The following XPR1 variants were observed in gnomAD, a reference collection of about 807,000 sequenced individuals.
XPR1 encodes the protein xenotropic and polytropic retrovirus receptor 1.
In XPR1, 28 loss-of-function variants were observed where a neutral mutation model predicts 87.5. The observed-to-expected ratio is 0.32, with a 90% CI of 0.24 to 0.44. The LOEUF (loss-of-function observed/expected upper bound fraction) is 0.44. Ranked by LOEUF, XPR1 falls within the 20% of genes least tolerant of loss-of-function variation. The probability of loss-of-function intolerance (pLI) is 1.00; values close to 1 mark genes in which losing one functional copy is unlikely to be tolerated. For missense variants in XPR1, 559 were observed against 862.3 expected (o/e 0.65, Z 4.41); for synonymous variants, 300 against 306.1 (o/e 0.98, Z 0.21).
At position 180,804,449 on chromosome 1, in the gene XPR1, T is replaced by A. The variant is rs573932135; in HGVS notation, c.447+838T>A. Among the ~76,000 whole-genome samples the A allele has an allele frequency of 1.6e-4, 24 of 152,132 alleles. No individual in the cohort carries two copies. In the East Asian group the frequency reaches 4.2e-3, roughly 27 times the overall value. ...TGGGCTGCAATAAAATCATATTTTTTAAAAGTTATTGAGAAAAGCATCTAT... is the reference window on the plus strand; with the variant it reads ...TGGGCTGCAATAAAATCATATTTTTAAAAAGTTATTGAGAAAAGCATCTAT... On this transcript the variant is annotated intron_variant, in intron 4 of 14. Coordinates refer to ENST00000367590, the MANE Select transcript of XPR1 (RefSeq NM_004736.4).
chr1:180,770,387 G>A (rs1274269539), intron 2 of XPR1, among the ~76,000 whole-genome samples: 1 of 152,052 alleles, frequency 6.6e-6, no homozygotes, highest in Non-Finnish European at 1.5e-5. Context: ...CTTGATTTGT[G>A]CATGTGGAGA....
At chr1:180,640,898 A>T (rs535376067) in intron 1 of XPR1, among the ~76,000 whole-genome samples, 1 of 152,190 alleles carries the variant, frequency 6.6e-6, no homozygotes, top group African/African-American at 2.4e-5. Context: ...CTTGTAAGGA[A>T]CTTTTAAGCT....
chr1:180,861,146 T>C (rs1652206944), intron 11 of XPR1, among the ~76,000 whole-genome samples: 1 of 152,160 alleles, frequency 6.6e-6, no homozygotes, highest in South Asian at 2.1e-4. Flanking sequence ...TCTATTACTC[T>C]ATTCTCATGT....
intron 2 of XPR1, among the ~76,000 whole-genome samples, chr1:180,711,604 G>C (rs956299088): frequency 1.3e-5 from 2 of 152,034 alleles, no homozygotes; most frequent in African/African-American, 4.8e-5. Context: ...GGAGACCGTG[G>C]GGAGGGGGAG....
chr1:180,860,384 A>G (rs548842330), intron 11 of XPR1, among the ~76,000 whole-genome samples: 3 of 152,164 alleles, frequency 2.0e-5, no homozygotes, highest in African/African-American at 4.8e-5. Context: ...AACATATTAC[A>G]TAAAGTCTTG....
chr1:180,724,982 A>G (rs991163841), intron 2 of XPR1, among the ~76,000 whole-genome samples: 2 of 152,234 alleles, frequency 1.3e-5, no homozygotes, highest in African/African-American at 4.8e-5. Context: ...ATAGCATAGA[A>G]TGAACCTCCA....
chr1:180,856,411 A>C (rs536768125), intron 11 of XPR1, among the ~76,000 whole-genome samples: 9 of 152,248 alleles, frequency 5.9e-5, no homozygotes, highest in African/African-American at 2.2e-4. Context: ...CTTTTCATAG[A>C]AAGAGCTTCT....
intron 2 of XPR1, among the ~76,000 whole-genome samples, chr1:180,703,339 G>C (rs1183613622): frequency 6.6e-6 from 1 of 152,096 alleles, no homozygotes; most frequent in Admixed American, 6.6e-5. Flanking sequence ...TCAGTTCCTA[G>C]ACATCATATA....
intron 13 of XPR1, among the ~76,000 whole-genome samples, chr1:180,875,935 A>G (rs1652649537): frequency 6.6e-6 from 1 of 152,148 alleles, no homozygotes; most frequent in African/African-American, 2.4e-5. Context: ...ATAAATTTAA[A>G]AATTTAGATG....
chr1:180,860,700 A>G (rs982108813), intron 11 of XPR1, among the ~76,000 whole-genome samples: 13 of 151,988 alleles, frequency 8.6e-5, no homozygotes, highest in East Asian at 1.9e-4. Context: ...TGGGGCTACA[A>G]TGGAGTGTGT....
intron 1 of XPR1, among the ~76,000 whole-genome samples, chr1:180,677,346 A>G (rs755238855): frequency 5.9e-5 from 9 of 152,310 alleles, no homozygotes; most frequent in African/African-American, 1.7e-4. Context: ...GTCTCCCTGA[A>G]AATTCGGGGA....
intron 9 of XPR1, among the ~76,000 whole-genome samples, chr1:180,832,842 T>C (rs909100711): frequency 5.3e-5 from 8 of 152,166 alleles, no homozygotes; most frequent in Non-Finnish European, 1.5e-5. Flanking sequence ...CTTGGCTATG[T>C]GGGCTCTTTT....
At chr1:180,719,507 A>G (rs931488577) in intron 2 of XPR1, among the ~76,000 whole-genome samples, 2 of 152,236 alleles carry the variant, frequency 1.3e-5, no homozygotes, top group African/African-American at 2.4e-5. Context: ...TGAAATTTCA[A>G]TAAAAAGTTG....
intron 3 of XPR1, among the ~76,000 whole-genome samples, chr1:180,792,991 A>T (rs1339509907): frequency 6.6e-6 from 1 of 152,090 alleles, no homozygotes; most frequent in Non-Finnish European, 1.5e-5. Flanking sequence ...TGAAATAGCT[A>T]AGTGCTTTTT....
At chr1:180,738,077 T>A (rs1053295466) in intron 2 of XPR1, among the ~76,000 whole-genome samples, 3 of 152,184 alleles carry the variant, frequency 2.0e-5, no homozygotes, top group African/African-American at 7.2e-5. Context: ...AGTGGCACGA[T>A]CTTGGCTCAC....
chr1:180,846,514 T>C (rs1008940736), intron 11 of XPR1, among the ~76,000 whole-genome samples: 20 of 151,586 alleles, frequency 1.3e-4, no homozygotes, highest in Admixed American at 6.6e-4. Context: ...CGATCTCAGC[T>C]CACTGCAACC....
At chr1:180,666,296 A>G (rs962303202) in intron 1 of XPR1, among the ~76,000 whole-genome samples, 1 of 152,212 alleles carries the variant, frequency 6.6e-6, no homozygotes, top group Non-Finnish European at 1.5e-5. Flanking sequence ...TATGAATTTG[A>G]CAATGGGGTT....
intron 2 of XPR1, among the ~76,000 whole-genome samples, chr1:180,745,453 A>G (rs1020373925): frequency 5.9e-5 from 9 of 152,138 alleles, no homozygotes; most frequent in Non-Finnish European, 2.9e-5. Flanking sequence ...GGGGAGTACT[A>G]CTTCGCTGCT....
At chr1:180,776,563 T>A (rs150751623) in intron 2 of XPR1, among the ~76,000 whole-genome samples, 1 of 152,096 alleles carries the variant, frequency 6.6e-6, no homozygotes, top group Non-Finnish European at 1.5e-5. Context: ...TTTATAATTA[T>A]TTAAATGTGT....
Sources: allele counts gnomAD v4.1 joint callset (sites outside exome capture counted in the v4.1 genomes callset), GRCh38; gene constraint gnomAD v4.1.1; transcripts MANE v1.5; gene names NCBI Gene and HGNC (gene_info 2026-07-23, HGNC 2026-07-21).